The following CEP44 variants were observed in gnomAD, a reference collection of about 807,000 sequenced individuals.
CEP44 encodes centrosomal protein 44, also known as centrosomal protein of 44 kDa.
In CEP44, 45 loss-of-function variants were observed where a neutral mutation model predicts 46.7. The ratio of observed to expected loss-of-function variants is 0.96; its 90% confidence interval spans 0.76 to 1.24. The LOEUF (loss-of-function observed/expected upper bound fraction) is 1.24, where lower values mean the gene tolerates loss of function less well. Among genes scored for constraint, CEP44 ranks in the 50% most tolerant of loss-of-function variants. CEP44 has a pLI of 0.00. For synonymous variants in CEP44, 142 were observed against 146.0 expected, an observed-to-expected ratio of 0.97 and a Z score of 0.20; for missense variants, 475 against 459.7, an observed-to-expected ratio of 1.03 and a Z score of -0.30.
At chr4:174,316,355 G>A (rs1741713578) in intron 10 of CEP44, 65 bp downstream of exon 10, 1 of 1,517,248 alleles carries the variant, frequency 6.6e-7, no homozygotes, top group African/African-American at 1.4e-5. Context: ...AGCTTTTGTT[G>A]TAAATATTGC....
chr4:174,326,107 G>GT lies in CEP44; in HGVS notation c.1087-5370dup, dbSNP rs1205685167. ...TACCACCTTCTTATATTTGTTTTCT[G>GT]TTTTTATCATTTGTTCTTAGCTGCT... On this transcript the variant is annotated intron_variant, in intron 8 of 8. Coordinates refer to the CEP44 transcript ENST00000426172. The surrounding 1 kb of genome is among the most constrained non-coding windows in gnomAD (Gnocchi z 4.8). Among the ~76,000 whole-genome samples, 1 of 151,826 alleles carries GT rather than the reference G, an allele frequency of 6.6e-6. No homozygotes were observed. The highest frequency in any genetic ancestry group is 2.4e-5 in the African/African-American group (1 of 41,346).
chr4:174,296,763 A>ATTTTTTTTTTTTTTTTTTT (rs202212472), intron 1 of CEP44, among the ~76,000 whole-genome samples: 1 of 90,420 alleles, frequency 1.1e-5, no homozygotes, highest in Non-Finnish European at 2.1e-5. Context: ...GTCCTTACTG[A>ATTTTTTTTTTTTTTTTTTT]TTTTTTTTTT....
chr4:174,316,629 G>A, intron 11 of CEP44, 62 bp downstream of exon 11: 1 of 1,435,082 alleles, frequency 7.0e-7, no homozygotes, highest in South Asian at 1.3e-5. Flanking sequence ...TTGGATTACA[G>A]TATATATAGA....
chr4:174,309,832 T>A lies in CEP44; in HGVS notation c.679-18T>A, dbSNP rs761389445. On this transcript the variant is annotated intron_variant, in intron 7 of 11. Transcript: ENST00000503780. The surrounding 1 kb of genome is among the most constrained non-coding windows in gnomAD (Gnocchi z 5.3). ...TCAGTTTGTTTAATTTTATTTTTAA[T>A]CTCTCTAACCTTTTTAGGATGTAAA... 46 of 1,494,124 alleles carry A rather than the reference T, an allele frequency of 3.1e-5. 1 individual carries two copies. The Admixed American group carries it at 5.7e-4, about 19-fold the overall frequency. The allele number at this position is 1,494,124 out of a possible 1,614,324, so 92.6% of individuals were successfully genotyped here. A position where few individuals can be genotyped will look rare whatever the true frequency, so the allele number is the denominator to read the frequency against.
At chr4:174,306,365 G>A (rs977779904) in intron 6 of CEP44, among the ~76,000 whole-genome samples, 25 of 152,018 alleles carry the variant, frequency 1.6e-4, no homozygotes, top group African/African-American at 6.0e-4. Context: ...GAATTATTTG[G>A]CAATCTTTTT....
chr4:174,325,358 TGAGA>T lies in CEP44; in HGVS notation c.1087-6120_1087-6117del, dbSNP rs1240734395. The stretch of plus-strand genomic sequence containing the variant: ...ATCCATTTATAAATTTATTCATCAC[TGAGA>T]GAGGGGTGTAGCCATGTACAGTCAC... On this transcript the variant is annotated intron_variant, in intron 8 of 8. Coordinates refer to the CEP44 transcript ENST00000426172. This position sits in a 1 kb window ranked among gnomAD's most constrained non-coding sequence, Gnocchi z 4.4. Among the ~76,000 whole-genome samples, 1 of 152,090 alleles carries T rather than the reference TGAGA, an allele frequency of 6.6e-6. No homozygotes were observed. The highest frequency in any genetic ancestry group is 1.5e-5 in the Non-Finnish European group (1 of 68,008).
chr4:174,291,246 T>C (rs1738162720), intron 1 of CEP44, among the ~76,000 whole-genome samples: 1 of 152,158 alleles, frequency 6.6e-6, no homozygotes, highest in African/African-American at 2.4e-5. Flanking sequence ...GTCTTTGTGA[T>C]TTGATGATTG....
rs1737713758 is a variant in CEP44, at chr4:174,287,616, CTTTT to C, written c.-148+3675_-148+3678del. 6.6e-6 allele frequency among the ~76,000 whole-genome samples: 1 copy of C among 152,166 alleles called. No individual in the cohort carries two copies. On this transcript the variant is annotated intron_variant, in intron 1 of 11. Transcript: ENST00000503780. This position sits in a 1 kb window ranked among gnomAD's most constrained non-coding sequence, Gnocchi z 5.1. ...AAATTAACTAAATCACACACATTCT[CTTTT>C]TCATCATTACTTGGTAAGTGGAATG... is the stretch of plus-strand genomic sequence containing the variant.
At chr4:174,303,917 A>C in intron 5 of CEP44, 68 bp downstream of exon 5, 2 of 1,111,636 alleles carry the variant, frequency 1.8e-6, no homozygotes, top group Non-Finnish European at 2.5e-6. Flanking sequence ...TTTAATGTAT[A>C]AAATCAAAAC....
At chr4:174,316,703 C>T (rs1741764286) in intron 11 of CEP44, 136 bp downstream of exon 11, 1 of 679,296 alleles carries the variant, frequency 1.5e-6, no homozygotes. Context: ...CTTCAGGACT[C>T]CACTGGATAA....
rs1053591297 is a variant in CEP44 at position 174,329,881 on chromosome 4, T to A, written c.1087-1601T>A. Among the ~76,000 whole-genome samples the A allele has an allele frequency of 2.0e-5, 3 of 152,102 alleles. No homozygotes were observed. The highest frequency in any genetic ancestry group is 4.4e-5 in the Non-Finnish European group (3 of 68,006). ...GCAAATAACATCCTCTACCCTTAGG[T>A]CAAAAAGAATATGTAAACCAAAATA... On this transcript the variant is annotated intron_variant, in intron 8 of 8. Transcript: ENST00000426172. The surrounding 1 kb of genome is among the most constrained non-coding windows in gnomAD (Gnocchi z 4.0).
In CEP44 at chr4:174,317,945, C is replaced by G. The variant is rs2126673894; in HGVS notation, c.*562C>G. ...ACACTGAGAAATTAAGGTTAAGATT[C>G]TCCTTTTGTACTGGGAAACAGGCTG... is the stretch of plus-strand genomic sequence containing the variant. On this transcript the variant is annotated 3_prime_UTR_variant, in exon 12 of 12. Coordinates refer to ENST00000503780, the MANE Select transcript of CEP44 (RefSeq NM_001040157.3). The G allele has an allele frequency of 1.0e-6, 1 of 985,368 alleles. No homozygotes were observed. The highest frequency in any genetic ancestry group is 1.7e-5 in the African/African-American group (1 of 57,354). 61.0% of individuals were successfully genotyped at this position (985,368 alleles called of 1,614,324 possible).
In CEP44 at chr4:174,303,845, A is replaced by G; in HGVS notation, c.380A>G (p.Gln127Arg). 6.5e-7 allele frequency: 1 copy of G among 1,536,752 alleles called. No homozygotes were observed. Residue 127 changes from glutamine to arginine, a missense_variant, in exon 5 of 12, where the codon CAG becomes CGG. Gln to Arg is a conservative substitution (Grantham distance 43). Transcript: ENST00000503780. Reference protein sequence around the residue: ...MKKHKELSSLQKIPSQQRKKI... With the variant: ...MKKHKELSSLRKIPSQQRKKI... ...AAGCACAAGGAATTAAGCAGTCTTCAGAAGGTAATTTTATGAATAGATATT... is the reference window on the plus strand; with the variant it reads ...AAGCACAAGGAATTAAGCAGTCTTCGGAAGGTAATTTTATGAATAGATATT...
At position 174,325,621 on chromosome 4, in the gene CEP44, C is replaced by T. The variant is rs1235877729; in HGVS notation, c.1087-5861C>T. 6.6e-6 allele frequency among the ~76,000 whole-genome samples: 1 copy of T among 152,096 alleles called. No homozygotes were observed. The highest frequency in any genetic ancestry group is 2.4e-5 in the African/African-American group (1 of 41,406). ...AGTGAGCTATGAATATATCACTGCA[C>T]TCCAGCCTGGGTGACAGAGCAAGAC... is the stretch of plus-strand genomic sequence containing the variant. On this transcript the variant is annotated intron_variant, in intron 8 of 8. Coordinates refer to the CEP44 transcript ENST00000426172. The surrounding 1 kb of genome is among the most constrained non-coding windows in gnomAD (Gnocchi z 4.4).
At chr4:174,308,621 A>T in intron 6 of CEP44, 68 bp from the exon 7 acceptor site, 2 of 1,497,858 alleles carry the variant, frequency 1.3e-6, no homozygotes, top group Non-Finnish European at 1.8e-6. Context: ...CTGAACTTAA[A>T]AGTTAAAAAA....
At chr4:174,332,399 C>T (rs1731364393) in exon 9 of CEP44, 1 of 152,198 alleles carries the variant, frequency 6.6e-6, no homozygotes, top group African/African-American at 2.4e-5. Context: ...TGGCAGCATT[C>T]TATACTTATT....
chr4:174,304,605 C>T (rs542903810), intron 6 of CEP44, among the ~76,000 whole-genome samples: 5 of 152,220 alleles, frequency 3.3e-5, no homozygotes, highest in Non-Finnish European at 5.9e-5. Context: ...CTAATTCTGC[C>T]GGATTTCCTA....
chr4:174,327,613 T>C (rs968077697), intron 8 of CEP44, among the ~76,000 whole-genome samples: 1 of 152,104 alleles, frequency 6.6e-6, no homozygotes, highest in African/African-American at 2.4e-5. Flanking sequence ...AATAGGCTAA[T>C]TGAAGAGTAC....
intron 3 of CEP44, 124 bp downstream of exon 3, chr4:174,299,334 T>C: frequency 1.5e-6 from 1 of 648,984 alleles, no homozygotes; most frequent in Non-Finnish European, 2.5e-6. Flanking sequence ...TGCCTTGAAA[T>C]GATTAAAATA....
Sources: allele counts gnomAD v4.1 joint callset (sites outside exome capture counted in the v4.1 genomes callset), GRCh38; gene constraint gnomAD v4.1.1; non-coding constraint Gnocchi (gnomAD v3.1); transcripts MANE v1.5; gene names NCBI Gene and HGNC (gene_info 2026-07-23, HGNC 2026-07-21).